The following GAD1 variants were observed in gnomAD, a reference collection of about 807,000 sequenced individuals.
GAD1 encodes glutamate decarboxylase 1, also known as 67 kDa glutamic acid decarboxylase.
GAD1 carries 35 observed loss-of-function variants against 75.2 expected under a neutral mutation model. The ratio of observed to expected loss-of-function variants is 0.47; its 90% CI spans 0.36 to 0.62. The LOEUF is 0.62. Ranked by LOEUF, GAD1 falls within the 20% of genes least tolerant of loss-of-function variation. GAD1 has a pLI of 0.00. For missense variants in GAD1, 490 were observed against 758.5 expected, an observed-to-expected ratio of 0.65 and a Z score of 4.16; for synonymous variants, 257 against 271.9, an observed-to-expected ratio of 0.95 and a Z score of 0.54.
chr2:170,831,310 C>T (rs181646218), intron 5 of GAD1, 118 bp downstream of exon 5: 58 of 1,164,014 alleles, frequency 5.0e-5, no homozygotes, highest in East Asian at 3.3e-4. Context: ...TGAGATAAGG[C>T]GGCAAAGTAC....
In GAD1 at chr2:170,846,024, A is replaced by G; in HGVS notation, c.963A>G (p.Pro321=). ...IKCNERGKII[P]ADFEAKILEA... ...ATAATTATAGGGGGAAAATAATTCC[A>G]GCTGATTTTGAGGCAAAAATTCTTG... The change falls in exon 10 of 17, where the codon CCA becomes CCG. Residue 321 remains proline (P), a synonymous_variant. Transcript: ENST00000358196. The G allele has an allele frequency of 6.2e-7, 1 of 1,613,626 alleles. No individual in the cohort carries two copies. The highest frequency in any genetic ancestry group is 1.1e-5 in the South Asian group (1 of 91,072).
At chr2:170,848,513 G>T (rs879249547) in intron 11 of GAD1, among the ~76,000 whole-genome samples, 1 of 145,578 alleles carries the variant, frequency 6.9e-6, no homozygotes, top group Admixed American at 6.9e-5. Context: ...AAAAAAAAAA[G>T]AAAAAAGAAA....
intron 15 of GAD1, among the ~76,000 whole-genome samples, chr2:170,858,162 T>TTAGA (rs1278604012): frequency 9.9e-5 from 15 of 152,158 alleles, no homozygotes; most frequent in African/African-American, 3.4e-4. Context: ...CTCAAACCAA[T>TTAGA]TAGAGGCAGG....
intron 6 of GAD1, among the ~76,000 whole-genome samples, chr2:170,841,539 CAAAATAAAAT>C (rs58390443): frequency 6.6e-6 from 1 of 151,482 alleles, no homozygotes; most frequent in Admixed American, 6.6e-5. Flanking sequence ...CATCTCTACA[CAAAATAAAAT>C]AAAATAAAGT....
At position 170,853,686 on chromosome 2, in the gene GAD1, A is replaced by T; in HGVS notation, c.1264-187A>T. 1.6e-6 allele frequency: 1 copy of T among 611,400 alleles called. No homozygotes were observed. Among genetic ancestry groups the T allele is most frequent in the South Asian group, 1.8e-5 (1 of 54,928 alleles). 37.9% of individuals were successfully genotyped at this position (611,400 alleles called of 1,614,324 possible). A position where few individuals can be genotyped will look rare whatever the true frequency, so the allele number is the denominator to read the frequency against. On this transcript the variant is annotated intron_variant, in intron 13 of 16. Coordinates refer to ENST00000358196, the MANE Select transcript of GAD1 (RefSeq NM_000817.3). The surrounding 1 kb of genome is among the most constrained non-coding windows in gnomAD (Gnocchi z 4.1). The stretch of plus-strand genomic sequence containing the variant: ...CTTCTAATCAGAGAGTCAGAGACAA[A>T]AGGGATGGCAGTTTTTCCAAGAGTG...
At chr2:170,827,001 C>T (rs1156591660) in intron 3 of GAD1, among the ~76,000 whole-genome samples, 3 of 152,172 alleles carry the variant, frequency 2.0e-5, no homozygotes, top group Non-Finnish European at 4.4e-5. Context: ...CATCTTTATA[C>T]CCAAGTGTGG....
At chr2:170,827,104 C>T (rs925376225) in intron 3 of GAD1, among the ~76,000 whole-genome samples, 2 of 152,106 alleles carry the variant, frequency 1.3e-5, no homozygotes, top group African/African-American at 4.8e-5. Flanking sequence ...AGCTTGGTGG[C>T]TCTGCTTTCC....
At chr2:170,819,030 AG>A in intron 2 of GAD1, among the ~76,000 whole-genome samples, 1 of 152,214 alleles carries the variant, frequency 6.6e-6, no homozygotes, top group African/African-American at 2.4e-5. Flanking sequence ...AAGAGCTAGG[AG>A]CCCCAGCAGG....
chr2:170,850,592 C>T (rs1702726574), intron 12 of GAD1, among the ~76,000 whole-genome samples: 1 of 152,170 alleles, frequency 6.6e-6, no homozygotes, highest in Non-Finnish European at 1.5e-5. Flanking sequence ...CAGGGCTTCT[C>T]CCACAGCCAG....
At chr2:170,816,544 G>C (rs1416072180), upstream of GAD1, 1 of 151,786 alleles carries the variant, frequency 6.6e-6, no homozygotes, top group Non-Finnish European at 1.5e-5. Flanking sequence ...GAGGGAAGAA[G>C]AAACGCTCAG....
rs1441695890 is a variant in GAD1 at position 170,823,853 on chromosome 2, G to A, written c.145+1704G>A. On this transcript the variant is annotated intron_variant, in intron 3 of 16. Transcript: ENST00000358196. ...GACGGCTCCTTACCAGCGGCGCCTGGCCTGCTGAGGGTGGGGGGCAGCCCT... is the reference window on the plus strand; with the variant it reads ...GACGGCTCCTTACCAGCGGCGCCTGACCTGCTGAGGGTGGGGGGCAGCCCT... 3.3e-5 allele frequency among the ~76,000 whole-genome samples: 5 copies of A among 152,192 alleles called. No individual in the cohort carries two copies. In the East Asian group the frequency reaches 9.7e-4, roughly 29 times the overall value.
chr2:170,835,476 A>G (rs1702348358), intron 5 of GAD1, among the ~76,000 whole-genome samples: 1 of 152,252 alleles, frequency 6.6e-6, no homozygotes, highest in Non-Finnish European at 1.5e-5. Context: ...CTATTTTGTT[A>G]CTTAATAGAA....
chr2:170,850,753 C>T (rs1298571234), intron 12 of GAD1, among the ~76,000 whole-genome samples: 1 of 152,186 alleles, frequency 6.6e-6, no homozygotes, highest in African/African-American at 2.4e-5. Flanking sequence ...GGTGTAGTGG[C>T]CTGTAATCCC....
At chr2:170,852,918 C>T (rs1276869603) in intron 13 of GAD1, 126 bp downstream of exon 13, 1 of 778,990 alleles carries the variant, frequency 1.3e-6, no homozygotes, top group Non-Finnish European at 2.2e-6. Flanking sequence ...CACTGAGAGA[C>T]TACTGCTGCT....
chr2:170,825,153 A>G (rs954151108), intron 3 of GAD1, among the ~76,000 whole-genome samples: 4 of 152,160 alleles, frequency 2.6e-5, no homozygotes, highest in African/African-American at 4.8e-5. Context: ...TGGGAGGCCA[A>G]GGTGGTAGGA....
At chr2:170,856,938 T>C in intron 14 of GAD1, 80 bp from the exon 15 acceptor site, 3 of 1,097,662 alleles carry the variant, frequency 2.7e-6, no homozygotes, top group Admixed American at 3.4e-5. Context: ...TTATTTCCCA[T>C]AGACAGGGAC....
chr2:170,824,178 G>C (rs1701968068), intron 3 of GAD1, among the ~76,000 whole-genome samples: 2 of 152,220 alleles, frequency 1.3e-5, no homozygotes, highest in Non-Finnish European at 2.9e-5. Context: ...GTCTGTTGAG[G>C]AGAAATTGCC....
rs769410 is a variant in GAD1, at chr2:170,857,173, C to A, written c.1521+48C>A. 243 of 1,421,402 alleles carry A rather than the reference C, an allele frequency of 1.7e-4. 2 individuals are homozygous for A. The East Asian group carries it at 4.4e-3, about 26-fold the overall frequency. 88.0% of individuals were successfully genotyped at this position (1,421,402 alleles called of 1,614,324 possible). On this transcript the variant is annotated intron_variant, in intron 15 of 16. Coordinates refer to ENST00000358196, the MANE Select transcript of GAD1 (RefSeq NM_000817.3). ...GTACACAGTATTTCCAGAAAAACTG[C>A]TGAGGGAAGCTCCTGAAGCTTCTGG...
chr2:170,859,357 A>G (rs945165282), intron 16 of GAD1, among the ~76,000 whole-genome samples: 6 of 152,120 alleles, frequency 3.9e-5, no homozygotes, highest in African/African-American at 9.7e-5. Flanking sequence ...CCATTCAACA[A>G]ATATTTGTTA....
Sources: gnomAD v4.1 joint callset for allele counts (sites outside exome capture counted in the v4.1 genomes callset) on GRCh38, gnomAD v4.1.1 for gene constraint, Gnocchi (gnomAD v3.1) non-coding constraint, MANE v1.5 for transcripts, NCBI Gene and HGNC (gene_info 2026-07-23, HGNC 2026-07-21) for gene names.